Variants in PRKN observed in about 807,000 individuals in gnomAD.
PRKN encodes the protein E3 ubiquitin-protein ligase parkin.
Under a neutral mutation model 59.5 loss-of-function variants are expected in PRKN, and 56 were observed. The observed-to-expected ratio is 0.94, with a 90% CI of 0.76 to 1.18. The LOEUF (loss-of-function observed/expected upper bound fraction) is 1.18, where lower values mean the gene tolerates loss of function less well. Among genes scored for constraint, PRKN ranks in the 50% most tolerant of loss-of-function variants. The pLI, the probability that PRKN is intolerant of heterozygous loss-of-function variation, is 0.00. For missense variants in PRKN, 657 were observed against 596.4 expected (o/e 1.10, Z -1.06); for synonymous variants, 250 against 222.1 (o/e 1.13, Z -1.12).
intron 4 of PRKN, among the ~76,000 whole-genome samples, chr6:162,163,007 C>CA (rs1226845918): frequency 6.8e-6 from 1 of 147,942 alleles, no homozygotes; most frequent in Non-Finnish European, 1.5e-5. Flanking sequence ...GATTCTGTCT[C>CA]AAAAAAATAA....
At chr6:162,251,686 T>C (rs533711865) in intron 3 of PRKN, among the ~76,000 whole-genome samples, 88 of 152,358 alleles carry the variant, frequency 5.8e-4, no homozygotes, top group Non-Finnish European at 1.0e-3. Context: ...TTCTTCTTTA[T>C]GTATGCACAT....
intron 10 of PRKN, among the ~76,000 whole-genome samples, chr6:161,384,859 G>A (rs575028946): frequency 2.0e-4 from 30 of 152,292 alleles, no homozygotes; most frequent in Admixed American, 1.5e-3. Flanking sequence ...CTGTAATTAC[G>A]ATATTCATTT....
chr6:161,417,620 A>G lies in PRKN; in HGVS notation c.1084-30743T>C, dbSNP rs1362037428. Reference sequence around the variant, plus strand: ...ACTCACGGGGCTGGGGGTTACATCTATTGTTTCCTGTAATTGTCACAGCAG... The same window carrying G: ...ACTCACGGGGCTGGGGGTTACATCTGTTGTTTCCTGTAATTGTCACAGCAG... On this transcript the variant is annotated intron_variant, in intron 9 of 11. Transcript: ENST00000366898. The surrounding 1 kb of genome is among the most constrained non-coding windows in gnomAD (Gnocchi z 5.4). 6.6e-6 allele frequency among the ~76,000 whole-genome samples: 1 copy of G among 152,040 alleles called. No individual in the cohort carries two copies. The highest frequency in any genetic ancestry group is 1.5e-5 in the Non-Finnish European group (1 of 68,012).
chr6:161,900,110 C>G (rs1463832916), intron 6 of PRKN, among the ~76,000 whole-genome samples: 1 of 140,574 alleles, frequency 7.1e-6, no homozygotes. Flanking sequence ...GATTCTGACT[C>G]AAAAATAATA....
intron 7 of PRKN, among the ~76,000 whole-genome samples, chr6:161,707,975 G>C (rs1786577720): frequency 6.6e-6 from 1 of 152,056 alleles, no homozygotes; most frequent in African/African-American, 2.4e-5. Flanking sequence ...TCAAAAACAA[G>C]AAAATGACTA....
chr6:162,144,845 CTTATCTAG>C (rs1781953585), intron 4 of PRKN, among the ~76,000 whole-genome samples: 1 of 152,052 alleles, frequency 6.6e-6, no homozygotes. Flanking sequence ...ACATTTGCTC[CTTATCTAG>C]TAACATTTAA....
intron 5 of PRKN, among the ~76,000 whole-genome samples, chr6:162,008,249 G>A (rs954624006): frequency 3.3e-5 from 5 of 152,096 alleles, no homozygotes; most frequent in South Asian, 2.1e-4. Context: ...AGTGAGACAC[G>A]GAGACGTGTG....
intron 4 of PRKN, among the ~76,000 whole-genome samples, chr6:162,142,994 G>A (rs75482880): frequency 1.7e-3 from 258 of 152,308 alleles, no homozygotes; most frequent in African/African-American, 6.0e-3. Flanking sequence ...TGACTGAATT[G>A]GTCAAGATGA....
intron 1 of PRKN, among the ~76,000 whole-genome samples, chr6:162,538,928 C>T (rs1028649586): frequency 2.6e-5 from 4 of 152,168 alleles, no homozygotes; most frequent in African/African-American, 9.7e-5. Context: ...TAAAACAGGG[C>T]TTGTCCTGTC....
intron 5 of PRKN, among the ~76,000 whole-genome samples, chr6:161,986,028 G>A (rs900203697): frequency 2.5e-4 from 38 of 152,136 alleles, no homozygotes; most frequent in African/African-American, 9.2e-4. Context: ...CGGTGCCTAA[G>A]CTCTCCATAA....
At chr6:161,816,625 G>A (rs7755434) in intron 6 of PRKN, among the ~76,000 whole-genome samples, 45,394 of 151,774 alleles carry the variant, frequency 0.3, 7,040 homozygotes, top group African/African-American at 0.39. Flanking sequence ...GCTGGAGGGA[G>A]GCCACAAGAA....
chr6:162,225,801 A>G (rs1778143156), intron 3 of PRKN, among the ~76,000 whole-genome samples: 2 of 151,958 alleles, frequency 1.3e-5, no homozygotes, highest in African/African-American at 4.8e-5. Context: ...CTCATATAAA[A>G]GGACAATGTG....
At chr6:161,765,980 C>T (rs1056838856) in intron 7 of PRKN, among the ~76,000 whole-genome samples, 1 of 152,120 alleles carries the variant, frequency 6.6e-6, no homozygotes, top group Non-Finnish European at 1.5e-5. Flanking sequence ...CTTCTATGCT[C>T]TATTATTTTA....
chr6:161,495,096 A>G (rs1042365420), intron 9 of PRKN, among the ~76,000 whole-genome samples: 5 of 152,244 alleles, frequency 3.3e-5, no homozygotes, highest in South Asian at 2.1e-4. Flanking sequence ...ACAATATATC[A>G]AAAAATTTAT....
intron 7 of PRKN, among the ~76,000 whole-genome samples, chr6:161,744,822 T>A (rs918211279): frequency 6.6e-6 from 1 of 152,218 alleles, no homozygotes; most frequent in African/African-American, 2.4e-5. Context: ...AAAAGCCACA[T>A]CAACGGCATT....
At chr6:161,642,055 T>TC (rs1582933574) in intron 7 of PRKN, among the ~76,000 whole-genome samples, 1 of 152,138 alleles carries the variant, frequency 6.6e-6, no homozygotes, top group Non-Finnish European at 1.5e-5. Context: ...ATAAGGATTT[T>TC]CCCCCACTAC....
chr6:162,284,176 A>G (rs1583313953), intron 2 of PRKN, among the ~76,000 whole-genome samples: 1 of 149,830 alleles, frequency 6.7e-6, no homozygotes, highest in East Asian at 2.0e-4. Context: ...GAGATTTTGA[A>G]GGGTAACTGG....
intron 1 of PRKN, among the ~76,000 whole-genome samples, chr6:162,588,394 A>AC (rs1288469574): frequency 6.6e-6 from 1 of 150,564 alleles, no homozygotes; most frequent in Non-Finnish European, 1.5e-5. Context: ...CACATTAACA[A>AC]AAAAAAAAAG....
At chr6:161,718,824 T>C (rs1787099425) in intron 7 of PRKN, among the ~76,000 whole-genome samples, 1 of 152,042 alleles carries the variant, frequency 6.6e-6, no homozygotes, top group Non-Finnish European at 1.5e-5. Context: ...ATCCTTCAAG[T>C]GTGTTATCCT....
Sources: allele counts gnomAD v4.1 joint callset (sites outside exome capture counted in the v4.1 genomes callset), GRCh38; gene constraint gnomAD v4.1.1; non-coding constraint Gnocchi (gnomAD v3.1); transcripts MANE v1.5; gene names NCBI Gene and HGNC (gene_info 2026-07-23, HGNC 2026-07-21).